Variants in TMEM35B observed in about 807,000 individuals in gnomAD.
The protein encoded by TMEM35B is transmembrane protein 35B.
In TMEM35B, 6 loss-of-function variants were observed where a neutral mutation model predicts 8.7. The ratio of observed to expected loss-of-function variants is 0.69; its 90% CI spans 0.38 to 1.36. TMEM35B has a LOEUF of 1.36. Among genes scored for constraint, TMEM35B ranks in the 40% most tolerant of loss-of-function variants. TMEM35B has a pLI of 0.02. For missense variants in TMEM35B, 176 were observed against 181.6 expected (o/e 0.97, Z 0.18); for synonymous variants, 89 against 87.0 (o/e 1.02, Z -0.13).
In TMEM35B at chr1:34,983,578, C is replaced by CAAAAA. The variant is rs1163962621; in HGVS notation, c.289+184_289+188dup. Among the ~76,000 whole-genome samples the CAAAAA allele has an allele frequency of 5.0e-3, 116 of 23,212 alleles. 21 individuals are homozygous for CAAAAA. Among genetic ancestry groups the CAAAAA allele is most frequent in the African/African-American group, 0.013 (102 of 7,736 alleles). The allele number at this position is 23,212 out of a possible 152,430, so 15.2% of individuals were successfully genotyped here. A position where few individuals can be genotyped will look rare whatever the true frequency, so the allele number is the denominator to read the frequency against. ...TGGGCGAAAGAGCGAGACTCCATCT[C>CAAAAA]AAAAAAAAAAAAAAAAAAAAAAAAA... On this transcript the variant is annotated intron_variant, in intron 2 of 2. Transcript: ENST00000373337.
Position 34,983,747 on chromosome 1 carries a change from AG to A in TMEM35B, c.289+19del. The A allele has an allele frequency of 6.8e-7, 1 of 1,468,098 alleles. No individual in the cohort carries two copies. Among genetic ancestry groups the A allele is most frequent in the Non-Finnish European group, 9.1e-7 (1 of 1,101,440 alleles). The allele number at this position is 1,468,098 out of a possible 1,614,324, so 90.9% of individuals were successfully genotyped here. A position where few individuals can be genotyped will look rare whatever the true frequency, so the allele number is the denominator to read the frequency against. ...CTCCCCCAGAAGACCCCATTTTCTC[AG>A]GCCAGTTGGCCCCCTTACCCATCAT... On this transcript the variant is annotated intron_variant, in intron 2 of 2. Coordinates refer to ENST00000373337, the Ensembl canonical transcript of TMEM35B.
intron 1 of TMEM35B, among the ~76,000 whole-genome samples, chr1:34,984,280 C>T (rs1455935146): frequency 6.6e-6 from 1 of 152,142 alleles, no homozygotes; most frequent in Non-Finnish European, 1.5e-5. Context: ...TCCACAGTTT[C>T]CTTCTTTGTG....
intron 2 of TMEM35B, 74 bp downstream of exon 2, chr1:34,983,693 A>C: frequency 7.7e-7 from 1 of 1,291,874 alleles, no homozygotes; most frequent in South Asian, 2.1e-5. Flanking sequence ...GGCAACAGTA[A>C]GGGGGAACAG....
exon 1 of TMEM35B, chr1:34,985,237 C>A (rs993227161): frequency 6.5e-7 from 1 of 1,545,748 alleles, no homozygotes; most frequent in Admixed American, 2.0e-5. Flanking sequence ...CCTCCGAGAG[C>A]TTGGCCAACC....
exon 1 of TMEM35B, chr1:34,985,225 C>T (rs1342410109): frequency 1.3e-6 from 2 of 1,542,314 alleles, no homozygotes; most frequent in Non-Finnish European, 1.7e-6. Flanking sequence ...GAGCCGAGAT[C>T]TCCTCCGAGA....
intron 1 of TMEM35B, 60 bp from the exon 2 acceptor site, chr1:34,984,007 T>C (rs997291492): frequency 1.4e-6 from 2 of 1,393,400 alleles, no homozygotes; most frequent in African/African-American, 2.9e-5. Flanking sequence ...GCTCCCCAGA[T>C]GCTCCATGGC....
chr1:34,981,700 T>G, exon 3 of TMEM35B: 1 of 234,410 alleles, frequency 4.3e-6, no homozygotes. Context: ...AGAATTTTGG[T>G]TGATTTAAAT....
intron 2 of TMEM35B, among the ~76,000 whole-genome samples, chr1:34,982,492 C>T (rs1371437980): frequency 5.7e-5 from 8 of 141,300 alleles, no homozygotes; most frequent in Non-Finnish European, 1.0e-4. Context: ...GAGGCTTGCT[C>T]TGTCACCCAG....
chr1:34,984,911 G>A (rs778036215), intron 1 of TMEM35B, among the ~76,000 whole-genome samples: 10 of 151,970 alleles, frequency 6.6e-5, no homozygotes, highest in Non-Finnish European at 1.5e-4. Flanking sequence ...CCTCCCCCAG[G>A]GTCCGGGGGG....
At chr1:34,981,701 T>G (rs1188660544) in exon 3 of TMEM35B, 2 of 238,114 alleles carry the variant, frequency 8.4e-6, no homozygotes, top group Non-Finnish European at 7.8e-6. Context: ...GAATTTTGGT[T>G]GATTTAAATT....
At chr1:34,984,425 G>C (rs1290710782) in intron 1 of TMEM35B, among the ~76,000 whole-genome samples, 1 of 152,124 alleles carries the variant, frequency 6.6e-6, no homozygotes, top group Middle Eastern at 3.2e-3. Flanking sequence ...CCTTACTTTC[G>C]GGGATACTTT....
intron 2 of TMEM35B, among the ~76,000 whole-genome samples, 192 bp downstream of exon 2, chr1:34,983,575 T>G (rs1430097600): frequency 1.5e-5 from 1 of 64,854 alleles, no homozygotes; most frequent in African/African-American, 2.1e-4. Flanking sequence ...CGAGACTCCA[T>G]CTCAAAAAAA....
At chr1:34,985,330 T>A (rs1640562915) in exon 1 of TMEM35B, 1 of 1,509,862 alleles carries the variant, frequency 6.6e-7, no homozygotes, top group Admixed American at 2.1e-5. Flanking sequence ...CACCGTGGGT[T>A]GGCCCCGCCG....
rs894622762 is a variant in TMEM35B, at chr1:34,984,867, A to G, written c.108+331T>C. Among the ~76,000 whole-genome samples, 67 of 149,474 alleles carry G rather than the reference A, an allele frequency of 4.5e-4. 1 individual carries two copies. Among genetic ancestry groups the G allele is most frequent in the African/African-American group, 1.6e-3 (65 of 41,122 alleles). ...AGCAAACGGCGAAAAGAGGGAAGAG[A>G]GCGGGAAGTGAGCTCATTTTCCCAC... On this transcript the variant is annotated intron_variant, in intron 1 of 2. Transcript: ENST00000373337.
chr1:34,982,365 CA>C (rs1640516767), intron 2 of TMEM35B, among the ~76,000 whole-genome samples: 1 of 149,012 alleles, frequency 6.7e-6, no homozygotes, highest in Non-Finnish European at 1.5e-5. Context: ...TCTCAGAGGA[CA>C]AGAAAGAAAC....
At chr1:34,981,993 C>T in exon 3 of TMEM35B, 1 of 1,550,362 alleles carries the variant, frequency 6.5e-7, no homozygotes, top group Non-Finnish European at 8.7e-7. Flanking sequence ...CCTAGTGGGT[C>T]TGACCACCTT....
rs367551361 is a variant in TMEM35B, at chr1:34,984,403, T to C, written c.109-456A>G. Among the ~76,000 whole-genome samples the C allele has an allele frequency of 6.2e-4, 94 of 152,340 alleles. 1 individual carries two copies. The South Asian group carries it at 0.015, about 24-fold the overall frequency. On this transcript the variant is annotated intron_variant, in intron 1 of 2. Transcript: ENST00000373337. ...AAGGCAGGCCCTCCCCTGAGCCAAA[T>C]GACAACTTCATCCTTACTTTCGGGG...
At position 34,983,899 on chromosome 1, in the gene TMEM35B, C is replaced by CA; in HGVS notation, c.156dup (p.Gly53TrpfsTer36). 6.5e-7 allele frequency: 1 copy of CA among 1,540,326 alleles called. No homozygotes were observed. Among genetic ancestry groups the CA allele is most frequent in the Non-Finnish European group, 8.8e-7 (1 of 1,141,492 alleles). On this transcript the variant is annotated frameshift_variant, in exon 2 of 3. Coordinates refer to ENST00000373337, the Ensembl canonical transcript of TMEM35B. LOFTEE classifies it high-confidence loss of function. Reference sequence around the variant, plus strand: ...TAGTTCAGGGGATCTGGCTGGTAGCCAAATACCTTCAGCGGGAACACCTCA... The same window carrying CA: ...TAGTTCAGGGGATCTGGCTGGTAGCCAAAATACCTTCAGCGGGAACACCTCA...
chr1:34,981,988 T>G (rs1640511085), exon 3 of TMEM35B: 1 of 1,549,934 alleles, frequency 6.5e-7, no homozygotes, highest in East Asian at 2.4e-5. Flanking sequence ...TTCTTCCTAG[T>G]GGGTCTGACC....
Sources: gnomAD v4.1 joint callset for allele counts (sites outside exome capture counted in the v4.1 genomes callset) on GRCh38, gnomAD v4.1.1 for gene constraint, MANE v1.5 for transcripts, NCBI Gene and HGNC (gene_info 2026-07-23, HGNC 2026-07-21) for gene names.